Variants in DAGLA observed in about 807,000 individuals in gnomAD.
DAGLA encodes the protein diacylglycerol lipase-alpha.
In DAGLA, 22 loss-of-function variants were observed where a neutral mutation model predicts 102.6. The ratio of observed to expected loss-of-function variants is 0.21; its 90% CI spans 0.15 to 0.31. The LOEUF (loss-of-function observed/expected upper bound fraction) is 0.31. DAGLA is among the 10% of genes least tolerant of loss of function. The pLI, the probability that DAGLA is intolerant of heterozygous loss-of-function variation, is 1.00. For synonymous variants in DAGLA, 578 were observed against 628.9 expected (o/e 0.92, Z 1.21); for missense variants, 927 against 1,446.6 (o/e 0.64, Z 5.83).
intron 13 of DAGLA, among the ~76,000 whole-genome samples, chr11:61,736,896 A>G (rs1193419827): frequency 6.6e-6 from 1 of 152,230 alleles, no homozygotes; most frequent in Non-Finnish European, 1.5e-5. Flanking sequence ...TACAGATGCA[A>G]TGACTAGAGG....
intron 1 of DAGLA, among the ~76,000 whole-genome samples, chr11:61,713,885 C>T (rs1332903487): frequency 1.3e-5 from 2 of 152,242 alleles, no homozygotes; most frequent in African/African-American, 4.8e-5. Flanking sequence ...GAGAGCATAG[C>T]AGGCAGTAGG....
At chr11:61,725,194 T>C (rs537376892) in intron 5 of DAGLA, among the ~76,000 whole-genome samples, 1 of 152,276 alleles carries the variant, frequency 6.6e-6, no homozygotes, top group South Asian at 2.1e-4. Context: ...GTCTGCACTT[T>C]TAATGTTGGA....
chr11:61,682,321 G>A (rs2064949708), intron 1 of DAGLA, among the ~76,000 whole-genome samples: 1 of 152,184 alleles, frequency 6.6e-6, no homozygotes, highest in Non-Finnish European at 1.5e-5. Context: ...AGGGCTGGAG[G>A]CAGGAGCCAT....
At chr11:61,716,219 T>G (rs1372244362) in intron 1 of DAGLA, among the ~76,000 whole-genome samples, 1 of 150,804 alleles carries the variant, frequency 6.6e-6, no homozygotes, top group South Asian at 2.1e-4. Context: ...TGAGCTGGGG[T>G]GGGGATGGGC....
Position 61,729,010 on chromosome 11 carries a change from T to C in DAGLA, c.849+2T>C. On this transcript the variant is annotated splice_donor_variant, in intron 8 of 19. Coordinates refer to ENST00000257215, the MANE Select transcript of DAGLA (RefSeq NM_006133.3). LOFTEE classifies it high-confidence loss of function. The stretch of plus-strand genomic sequence containing the variant: ...AAGTACCTCGACCTCAAGAATTCAG[T>C]GAGTCAGACATCAACTCTCACCCCA... 6.2e-7 allele frequency: 1 copy of C among 1,613,586 alleles called. No individual in the cohort carries two copies. The highest frequency in any genetic ancestry group is 8.5e-7 in the Non-Finnish European group (1 of 1,179,524).
At chr11:61,741,127 T>G in intron 18 of DAGLA, 35 bp from the exon 19 acceptor site, 3 of 1,578,732 alleles carry the variant, frequency 1.9e-6, no homozygotes, top group Non-Finnish European at 2.6e-6. Flanking sequence ...CTGATGTCCC[T>G]CCACCACCCC....
rs576549348 is a variant in DAGLA, at chr11:61,735,672, G to A, written c.1212+28G>A. On this transcript the variant is annotated intron_variant, in intron 11 of 19. Transcript: ENST00000257215. ...ACGCTGCCCATGGCTCCCAGCCCCC[G>A]GGGGTGCCTGCCTCCCTCTTCCTGT... is the stretch of plus-strand genomic sequence containing the variant. 38 of 1,612,708 alleles carry A rather than the reference G, an allele frequency of 2.4e-5. No homozygotes were observed. In the South Asian group the frequency reaches 3.0e-4, roughly 13 times the overall value.
At position 61,736,467 on chromosome 11, in the gene DAGLA, G is replaced by A. The variant is rs960499909; in HGVS notation, c.1371+117G>A. The stretch of plus-strand genomic sequence containing the variant: ...GCCTCACAACTCCCACACAAGCCAG[G>A]CTCCTGCAATCCCTTCCAGCCTGGC... On this transcript the variant is annotated intron_variant, in intron 13 of 19. Coordinates refer to ENST00000257215, the MANE Select transcript of DAGLA (RefSeq NM_006133.3). 7 of 856,092 alleles carry A rather than the reference G, an allele frequency of 8.2e-6. No homozygotes were observed. The African/African-American group carries it at 1.0e-4, about 12-fold the overall frequency. The allele number at this position is 856,092 out of a possible 1,614,324, so 53.0% of individuals were successfully genotyped here.
chr11:61,720,969 A>G (rs1282335220), intron 3 of DAGLA, 79 bp downstream of exon 3: 11 of 1,382,390 alleles, frequency 8.0e-6, no homozygotes, highest in Non-Finnish European at 1.1e-5. Flanking sequence ...TACTGCGCAC[A>G]TGTTGCGAGC....
chr11:61,733,561 G>C (rs542285789), intron 9 of DAGLA, among the ~76,000 whole-genome samples: 1 of 152,228 alleles, frequency 6.6e-6, no homozygotes, highest in Non-Finnish European at 1.5e-5. Flanking sequence ...GCCCAGTCAC[G>C]TGGGCTCCAG....
chr11:61,741,668 A>G (rs1012478999), intron 19 of DAGLA, among the ~76,000 whole-genome samples: 2 of 150,100 alleles, frequency 1.3e-5, no homozygotes, highest in African/African-American at 2.5e-5. Context: ...CCGGAGTGCA[A>G]TGGCGCGACC....
At chr11:61,728,100 CG>C in intron 6 of DAGLA, 52 bp from the exon 7 acceptor site, 1 of 1,604,680 alleles carries the variant, frequency 6.2e-7, no homozygotes, top group South Asian at 1.1e-5. Context: ...CCTGGCCTCT[CG>C]TCCTCTCTCC....
intron 9 of DAGLA, among the ~76,000 whole-genome samples, chr11:61,732,585 G>A (rs1162348030): frequency 6.6e-6 from 1 of 152,172 alleles, no homozygotes; most frequent in Non-Finnish European, 1.5e-5. Context: ...GGTATCACTG[G>A]CAGGCAGGGC....
chr11:61,725,907 C>T, intron 5 of DAGLA, 88 bp from the exon 6 acceptor site: 1 of 1,253,170 alleles, frequency 8.0e-7, no homozygotes, highest in East Asian at 2.3e-5. Flanking sequence ...GTCCTGGGAA[C>T]AGCCTGCCCT....
In DAGLA at chr11:61,740,025, A is replaced by G. The variant is rs1381208796; in HGVS notation, c.1853+364A>G. Among the ~76,000 whole-genome samples the G allele has an allele frequency of 1.3e-5, 2 of 152,186 alleles. 1 individual carries two copies. The highest frequency in any genetic ancestry group is 3.9e-4 in the East Asian group (2 of 5,192). On this transcript the variant is annotated intron_variant, in intron 17 of 19. Transcript: ENST00000257215. ...ACCTCAGTTGTCACTTGGTTTCACCAAGGGAATTCCTCGAAGACAGCTGTG... is the reference window on the plus strand; with the variant it reads ...ACCTCAGTTGTCACTTGGTTTCACCGAGGGAATTCCTCGAAGACAGCTGTG...
intron 1 of DAGLA, among the ~76,000 whole-genome samples, chr11:61,708,677 C>T (rs990596296): frequency 7.9e-5 from 12 of 152,204 alleles, no homozygotes; most frequent in African/African-American, 2.7e-4. Flanking sequence ...GCCACCACGC[C>T]CAGCCTCACA....
chr11:61,702,152 C>T (rs903251290), intron 1 of DAGLA, among the ~76,000 whole-genome samples: 4 of 152,154 alleles, frequency 2.6e-5, no homozygotes, highest in Non-Finnish European at 2.9e-5. Context: ...CCTCCAGCCT[C>T]GGCCTCCCAA....
intron 6 of DAGLA, among the ~76,000 whole-genome samples, chr11:61,726,284 G>A (rs918347017): frequency 6.6e-6 from 1 of 152,236 alleles, no homozygotes; most frequent in African/African-American, 2.4e-5. Context: ...ACGTCCACTT[G>A]CTTTGTCAAG....
chr11:61,698,422 T>C (rs568404958), intron 1 of DAGLA, among the ~76,000 whole-genome samples: 1 of 152,152 alleles, frequency 6.6e-6, no homozygotes, highest in South Asian at 2.1e-4. Context: ...TCCGGTGCAC[T>C]TCCCTTTCCT....
Sources: gnomAD v4.1 joint callset for allele counts (sites outside exome capture counted in the v4.1 genomes callset) on GRCh38, gnomAD v4.1.1 for gene constraint, MANE v1.5 for transcripts, NCBI Gene and HGNC (gene_info 2026-07-23, HGNC 2026-07-21) for gene names.